Variants in FBXO10 observed in about 807,000 individuals in gnomAD.
The protein encoded by FBXO10 is F-box only protein 10.
In FBXO10, 39 loss-of-function variants were observed where a neutral mutation model predicts 80.7. The observed-to-expected ratio is 0.48, with a 90% CI of 0.37 to 0.63. The LOEUF (loss-of-function observed/expected upper bound fraction) is 0.63, where lower values mean the gene tolerates loss of function less well. Ranked by LOEUF, FBXO10 falls within the 30% of genes least tolerant of loss-of-function variation. The pLI, the probability that FBXO10 is intolerant of heterozygous loss-of-function variation, is 0.00. For missense variants in FBXO10, 1,025 were observed against 1,269.0 expected (o/e 0.81, Z 2.92); for synonymous variants, 449 against 489.6 (o/e 0.92, Z 1.09).
chr9:37,515,767 C>T (rs542173144), intron 10 of FBXO10, 137 bp downstream of exon 10: 4 of 892,100 alleles, frequency 4.5e-6, no homozygotes, highest in African/African-American at 1.7e-5. Flanking sequence ...CAGGCACAGG[C>T]CTTTTTCTGA....
chr9:37,518,656 G>C lies in FBXO10; in HGVS notation c.2201-218C>G, dbSNP rs150922179. ...CAACAAAACTCTGGTTCTTCTGCATGAAGTCCTTATTCAGTGTAGCCAGGG... is the reference window on the plus strand; with the variant it reads ...CAACAAAACTCTGGTTCTTCTGCATCAAGTCCTTATTCAGTGTAGCCAGGG... On this transcript the variant is annotated intron_variant, in intron 8 of 10. Coordinates refer to ENST00000432825, the MANE Select transcript of FBXO10 (RefSeq NM_012166.3). Among the ~76,000 whole-genome samples, 9 of 152,328 alleles carry C rather than the reference G, an allele frequency of 5.9e-5. No individual in the cohort carries two copies. In the South Asian group the frequency reaches 1.9e-3, roughly 32 times the overall value.
chr9:37,548,507 C>G (rs1822113695), intron 1 of FBXO10, among the ~76,000 whole-genome samples: 1 of 152,224 alleles, frequency 6.6e-6, no homozygotes, highest in Non-Finnish European at 1.5e-5. Flanking sequence ...TCTCCCCATT[C>G]TTGCTCCACC....
chr9:37,556,354 G>A (rs1287752133), intron 1 of FBXO10, among the ~76,000 whole-genome samples: 2 of 151,910 alleles, frequency 1.3e-5, no homozygotes, highest in Non-Finnish European at 2.9e-5. Flanking sequence ...GTATACTTAA[G>A]CCTATGGTCC....
intron 1 of FBXO10, among the ~76,000 whole-genome samples, chr9:37,550,782 T>C (rs1822180407): frequency 6.6e-6 from 1 of 152,178 alleles, no homozygotes; most frequent in Non-Finnish European, 1.5e-5. Context: ...TATTTCTCAG[T>C]TCTCAAGATA....
intron 1 of FBXO10, among the ~76,000 whole-genome samples, chr9:37,567,493 T>G (rs888318738): frequency 1.3e-5 from 2 of 152,108 alleles, no homozygotes; most frequent in African/African-American, 4.8e-5. Flanking sequence ...CGTAGTATGC[T>G]TATCCTCAAT....
chr9:37,549,423 T>C (rs928523428), intron 1 of FBXO10, among the ~76,000 whole-genome samples: 4 of 152,138 alleles, frequency 2.6e-5, no homozygotes, highest in Non-Finnish European at 4.4e-5. Flanking sequence ...ACACAAAACC[T>C]TGCAAGCCCC....
At chr9:37,559,441 C>G (rs1333174901) in intron 1 of FBXO10, among the ~76,000 whole-genome samples, 1 of 152,200 alleles carries the variant, frequency 6.6e-6, no homozygotes, top group Non-Finnish European at 1.5e-5. Context: ...TGACCTTGAA[C>G]AAGTCACTTA....
chr9:37,544,956 T>C (rs1435719309), intron 1 of FBXO10, among the ~76,000 whole-genome samples: 39 of 130,638 alleles, frequency 3.0e-4, no homozygotes, highest in Admixed American at 6.2e-4. Context: ...ATCGCGCCAC[T>C]GCACTCCAGC....
intron 5 of FBXO10, among the ~76,000 whole-genome samples, chr9:37,525,782 A>G (rs2119076387): frequency 6.6e-6 from 1 of 152,126 alleles, no homozygotes; most frequent in East Asian, 1.9e-4. Context: ...CAAGTGACCC[A>G]TCCGCCTCAG....
intron 8 of FBXO10, among the ~76,000 whole-genome samples, chr9:37,520,371 C>T (rs1419019219): frequency 2.2e-5 from 3 of 139,166 alleles, no homozygotes; most frequent in Non-Finnish European, 4.6e-5. Context: ...CACTCCTGAG[C>T]TCTGAGCACC....
intron 1 of FBXO10, among the ~76,000 whole-genome samples, chr9:37,562,855 C>T (rs1377213642): frequency 6.6e-6 from 1 of 152,184 alleles, no homozygotes. Context: ...AAAGACCCTG[C>T]TCTCAAGTCT....
chr9:37,540,307 C>G (rs1821878345), intron 2 of FBXO10, among the ~76,000 whole-genome samples: 1 of 152,040 alleles, frequency 6.6e-6, no homozygotes, highest in South Asian at 2.1e-4. Context: ...TTTGCCTCAG[C>G]CTCCCGAGTA....
At chr9:37,538,366 G>A (rs1327199075) in intron 2 of FBXO10, among the ~76,000 whole-genome samples, 1 of 152,182 alleles carries the variant, frequency 6.6e-6, no homozygotes, top group Non-Finnish European at 1.5e-5. Flanking sequence ...TCTAAAGAGA[G>A]GGGACAAGGT....
At position 37,541,668 on chromosome 9, in the gene FBXO10, T is replaced by C. The variant is rs1468387523; in HGVS notation, c.101A>G (p.Tyr34Cys). The change falls in exon 2 of 11, where the codon TAT (tyrosine) becomes TGT (cysteine). Residue 34 changes from tyrosine to cysteine, a missense_variant. Coordinates refer to ENST00000432825, the MANE Select transcript of FBXO10 (RefSeq NM_012166.3). ...GCTGTCGAGACTGAGGATCAGTTCA[T>C]ACCAGGCCCTGCATACCAGGCTGCA... The part of the protein sequence containing the change: ...GRCSLVCRAW[Y>C]ELILSLDSTR... 1 of 1,613,872 alleles carries C rather than the reference T, an allele frequency of 6.2e-7. No homozygotes were observed. The highest frequency in any genetic ancestry group is 1.7e-5 in the Admixed American group (1 of 60,006).
At chr9:37,517,061 G>A (rs1344912690) in intron 9 of FBXO10, among the ~76,000 whole-genome samples, 2 of 152,118 alleles carry the variant, frequency 1.3e-5, no homozygotes, top group Admixed American at 6.5e-5. Context: ...AATTTGGATG[G>A]ACTTGGAGGC....
chr9:37,556,007 T>A (rs1655061745), intron 1 of FBXO10, among the ~76,000 whole-genome samples: 1 of 152,234 alleles, frequency 6.6e-6, no homozygotes, highest in Non-Finnish European at 1.5e-5. Context: ...ATTTTTGTTA[T>A]GGTATGAGGT....
At chr9:37,545,146 G>A (rs559275025) in intron 1 of FBXO10, among the ~76,000 whole-genome samples, 37 of 138,460 alleles carry the variant, frequency 2.7e-4, no homozygotes, top group African/African-American at 6.9e-4. Context: ...CCTGTTCTTC[G>A]TTTATTTCTT....
chr9:37,560,054 C>T (rs573985375), intron 1 of FBXO10, among the ~76,000 whole-genome samples: 6 of 152,224 alleles, frequency 3.9e-5, no homozygotes, highest in Admixed American at 1.3e-4. Flanking sequence ...CACTGGTGCT[C>T]GACCCTCTTT....
At chr9:37,534,302 C>T (rs868641827) in intron 3 of FBXO10, among the ~76,000 whole-genome samples, 1 of 152,136 alleles carries the variant, frequency 6.6e-6, no homozygotes, top group Non-Finnish European at 1.5e-5. Flanking sequence ...AAAGAATATA[C>T]ACAAACATGG....
Sources: gnomAD v4.1 joint callset for allele counts (sites outside exome capture counted in the v4.1 genomes callset) on GRCh38, gnomAD v4.1.1 for gene constraint, MANE v1.5 for transcripts, NCBI Gene and HGNC (gene_info 2026-07-23, HGNC 2026-07-21) for gene names.